The following USH2A variants were observed in gnomAD, a reference collection of about 807,000 sequenced individuals.
USH2A encodes usherin, also known as Usher syndrome 2A (autosomal recessive, mild).
USH2A carries 443 observed loss-of-function variants against 538.9 expected under a neutral mutation model. The ratio of observed to expected loss-of-function variants is 0.82; its 90% confidence interval spans 0.76 to 0.89. The LOEUF (loss-of-function observed/expected upper bound fraction) is 0.89. USH2A is among the 40% of genes least tolerant of loss of function. The pLI is 0.00. For synonymous variants in USH2A, 2,413 were observed against 2,273.5 expected (o/e 1.06, Z -1.75); for missense variants, 6,633 against 6,324.8 (o/e 1.05, Z -1.65).
At chr1:216,331,052 T>C (rs1571709686) in intron 4 of USH2A, among the ~76,000 whole-genome samples, 1 of 152,220 alleles carries the variant, frequency 6.6e-6, no homozygotes, top group Non-Finnish European at 1.5e-5. Context: ...CTTGCAATCA[T>C]ATCCATTGCT....
chr1:215,842,260 A>T (rs1663700812), intron 46 of USH2A, among the ~76,000 whole-genome samples: 1 of 152,234 alleles, frequency 6.6e-6, no homozygotes, highest in Non-Finnish European at 1.5e-5. Context: ...ACAGTGAGAT[A>T]CCATTTCATG....
intron 4 of USH2A, among the ~76,000 whole-genome samples, chr1:216,339,007 C>T (rs945592471): frequency 6.6e-6 from 1 of 151,472 alleles, no homozygotes; most frequent in African/African-American, 2.4e-5. Context: ...GCCTATGATA[C>T]CTTTCACTGT....
In USH2A at chr1:215,798,918, T is replaced by C. The variant is rs377732592; in HGVS notation, c.9947A>G (p.Asn3316Ser). Residue 3316 changes from asparagine (N) to serine (S), a missense_variant, in exon 50 of 72, where the codon AAT becomes AGT. Physicochemically the swap from Asn to Ser is conservative, Grantham distance 46. Transcript: ENST00000307340. ...CCGGEEGVVYNRLPGMFCCGQ... is the reference protein window; with the variant it reads ...CCGGEEGVVYSRLPGMFCCGQ... Reference sequence around the variant, plus strand: ...CCTGGGCCCCTTACCTGGAAGGCGATTGTACACCACTCCTTCTTCTCCACC... The same window carrying C: ...CCTGGGCCCCTTACCTGGAAGGCGACTGTACACCACTCCTTCTTCTCCACC... The C allele has an allele frequency of 3.7e-6, 6 of 1,613,944 alleles. No homozygotes were observed. In the African/African-American group the frequency reaches 5.3e-5, roughly 14 times the overall value.
At chr1:215,859,418 C>T (rs1034666378) in intron 44 of USH2A, among the ~76,000 whole-genome samples, 2 of 151,910 alleles carry the variant, frequency 1.3e-5, no homozygotes. Context: ...CCTGTAGTCC[C>T]AGCTACTTGG....
At chr1:216,174,089 T>C in intron 21 of USH2A, 5 of 985,290 alleles carry the variant, frequency 5.1e-6, no homozygotes, top group Non-Finnish European at 6.0e-6. Flanking sequence ...TAGAATATAA[T>C]CATGATTCAT....
chr1:215,794,698 A>G (rs991318358), intron 50 of USH2A, among the ~76,000 whole-genome samples: 8 of 152,214 alleles, frequency 5.3e-5, no homozygotes, highest in African/African-American at 1.9e-4. Context: ...AGAGCTGTAG[A>G]ATGCCATGAG....
chr1:215,685,572 G>A (rs2102676746), intron 61 of USH2A, among the ~76,000 whole-genome samples: 1 of 152,108 alleles, frequency 6.6e-6, no homozygotes, highest in Admixed American at 6.5e-5. Flanking sequence ...TAGCCAGGTT[G>A]GTCTTGAACT....
chr1:215,687,387 T>C (rs1658465139), intron 61 of USH2A, among the ~76,000 whole-genome samples: 2 of 152,126 alleles, frequency 1.3e-5, no homozygotes, highest in African/African-American at 4.8e-5. Flanking sequence ...TTTCCTCTCT[T>C]TAGAATACAT....
At chr1:216,211,094 T>A (rs1366293379) in intron 15 of USH2A, among the ~76,000 whole-genome samples, 3 of 152,116 alleles carry the variant, frequency 2.0e-5, no homozygotes, top group Non-Finnish European at 4.4e-5. Context: ...AGGGAGGACA[T>A]GGAAGCTCAG....
intron 40 of USH2A, among the ~76,000 whole-genome samples, chr1:215,897,630 A>G (rs1389395721): frequency 6.6e-6 from 1 of 152,104 alleles, no homozygotes; most frequent in African/African-American, 2.4e-5. Context: ...CAGAGGTTGC[A>G]GTGAGCTGAC....
intron 61 of USH2A, among the ~76,000 whole-genome samples, chr1:215,712,672 T>C (rs1403026494): frequency 7.2e-5 from 11 of 152,180 alleles, no homozygotes; most frequent in Admixed American, 7.2e-4. Flanking sequence ...TTGGGTCAAC[T>C]GCCACAAGAC....
intron 4 of USH2A, among the ~76,000 whole-genome samples, chr1:216,362,535 A>G (rs1432571865): frequency 6.6e-6 from 1 of 152,192 alleles, no homozygotes; most frequent in African/African-American, 2.4e-5. Flanking sequence ...ATTGTTATGC[A>G]TTAGAGCAAT....
Position 215,628,900 on chromosome 1 carries a change from CGCTGCG to C in USH2A, c.15427_15432del (p.Arg5143_Ser5144del), listed in dbSNP as rs1656159441. 1.2e-6 allele frequency: 2 copies of C among 1,614,132 alleles called. No individual in the cohort carries two copies. Among genetic ancestry groups the C allele is most frequent in the East Asian group, 4.5e-5 (2 of 44,864 alleles). On this transcript the variant is annotated inframe_deletion, in exon 71 of 72. Transcript: ENST00000307340. ...TCTTGAATGTCCATGAGCTGGCTGA[CGCTGCG>C]GTGAAGAGAACCCTGGGAGTAGGTT...
chr1:215,817,604 A>G (rs1662894631), intron 47 of USH2A, among the ~76,000 whole-genome samples: 1 of 151,986 alleles, frequency 6.6e-6, no homozygotes, highest in African/African-American at 2.4e-5. Context: ...AACTGCTCAG[A>G]GATGCCACGG....
chr1:215,943,879 T>C (rs769625675), intron 37 of USH2A, among the ~76,000 whole-genome samples: 9 of 152,180 alleles, frequency 5.9e-5, no homozygotes, highest in Non-Finnish European at 4.4e-5. Context: ...ATTAACCAAA[T>C]TTGTTTCTGT....
chr1:216,255,111 A>G (rs2036235668), intron 11 of USH2A, among the ~76,000 whole-genome samples: 1 of 152,180 alleles, frequency 6.6e-6, no homozygotes, highest in Admixed American at 6.5e-5. Context: ...AGCCATGGAG[A>G]TTCTCCTGCT....
intron 37 of USH2A, among the ~76,000 whole-genome samples, chr1:215,954,076 G>A (rs1325186660): frequency 1.3e-5 from 2 of 152,174 alleles, no homozygotes; most frequent in Middle Eastern, 3.2e-3. Context: ...AGGTGCTGGA[G>A]AGGATGTGGA....
At chr1:215,961,222 T>C (rs1032639545) in intron 37 of USH2A, among the ~76,000 whole-genome samples, 3 of 152,058 alleles carry the variant, frequency 2.0e-5, no homozygotes, top group African/African-American at 7.2e-5. Context: ...CATATAATTA[T>C]TGAAAGTAGC....
intron 36 of USH2A, among the ~76,000 whole-genome samples, chr1:215,970,231 C>T (rs1667457324): frequency 1.3e-5 from 2 of 152,054 alleles, no homozygotes; most frequent in South Asian, 4.1e-4. Flanking sequence ...AGCAGTGTTG[C>T]CATATTGTGG....
Sources: allele counts gnomAD v4.1 joint callset (sites outside exome capture counted in the v4.1 genomes callset), GRCh38; gene constraint gnomAD v4.1.1; transcripts MANE v1.5; gene names NCBI Gene and HGNC (gene_info 2026-07-23, HGNC 2026-07-21).